The following ZNF839 variants were observed in gnomAD, a reference collection of about 807,000 sequenced individuals.
The protein encoded by ZNF839 is renal carcinoma antigen NY-REN-50.
A neutral mutation model predicts 56.4 loss-of-function variants in ZNF839; 38 were observed. The observed-to-expected ratio is 0.67, with a 90% confidence interval of 0.52 to 0.88. The LOEUF (loss-of-function observed/expected upper bound fraction) is 0.88. Ranked by LOEUF, ZNF839 falls within the 40% of genes least tolerant of loss-of-function variation. ZNF839 has a pLI of 0.00. For synonymous variants in ZNF839, 486 were observed against 493.5 expected (o/e 0.98, Z 0.20); for missense variants, 1,091 against 1,177.6 (o/e 0.93, Z 1.08).
In ZNF839 at chr14:102,341,528, G is replaced by A; in HGVS notation, c.2133G>A (p.Glu711=). ...SGLPVYAQSG[E]PRRLTQAQVA... is the part of the protein sequence containing the mutation. ...TGCCTGTTTATGCTCAGTCAGGAGA[G>A]CCTAGGAGGCTGACCCAGGCACAGG... The change falls in exon 8 of 8, where the codon GAG becomes GAA. Residue 711 remains glutamate (E), a synonymous_variant. Coordinates refer to ENST00000442396, the MANE Select transcript of ZNF839 (RefSeq NM_018335.6). 1 of 1,609,478 alleles carries A rather than the reference G, an allele frequency of 6.2e-7. No individual in the cohort carries two copies.
chr14:102,332,236 C>T lies in ZNF839; in HGVS notation c.1416+390C>T, dbSNP rs530677868. ...TGCTTCTCCACCTCCCAGGTTCAAG[C>T]GATTCTCCTTCCTTAGCCTCCTGGG... On this transcript the variant is annotated intron_variant, in intron 3 of 7. Transcript: ENST00000442396. This position sits in a 1 kb window ranked among gnomAD's most constrained non-coding sequence, Gnocchi z 4.9. Among the ~76,000 whole-genome samples the T allele has an allele frequency of 1.5e-4, 23 of 152,128 alleles. No individual in the cohort carries two copies. The highest frequency in any genetic ancestry group is 5.5e-4 in the African/African-American group (23 of 41,496).
chr14:102,331,980 A>G (rs2073807779), intron 3 of ZNF839, 134 bp downstream of exon 3: 2 of 737,584 alleles, frequency 2.7e-6, no homozygotes, highest in African/African-American at 1.8e-5. Flanking sequence ...TGCCAAGGAC[A>G]GTAATATCTG....
chr14:102,328,176 G>A (rs1201013454), intron 2 of ZNF839, among the ~76,000 whole-genome samples: 1 of 151,098 alleles, frequency 6.6e-6, no homozygotes, highest in Non-Finnish European at 1.5e-5. Context: ...CCAACATGGT[G>A]AAACCCCATC....
intron 5 of ZNF839, among the ~76,000 whole-genome samples, chr14:102,336,199 A>C (rs1408989730): frequency 6.6e-6 from 1 of 152,120 alleles, no homozygotes; most frequent in South Asian, 2.1e-4. Context: ...AACCAAAAAA[A>C]AAAAAAACTC....
In ZNF839 at chr14:102,332,346, G is replaced by A. The variant is rs1330537097; in HGVS notation, c.1416+500G>A. Reference sequence around the variant, plus strand: ...AATAGGGTCTCACCTTGTTGGTCAGGCTGGTCTCAAACTCCCGACCTCGTG... The same window carrying A: ...AATAGGGTCTCACCTTGTTGGTCAGACTGGTCTCAAACTCCCGACCTCGTG... On this transcript the variant is annotated intron_variant, in intron 3 of 7. Transcript: ENST00000442396. This position sits in a 1 kb window ranked among gnomAD's most constrained non-coding sequence, Gnocchi z 4.9. Among the ~76,000 whole-genome samples the A allele has an allele frequency of 6.6e-6, 1 of 151,878 alleles. No individual in the cohort carries two copies.
rs140733581 is a variant in ZNF839 at position 102,338,850 on chromosome 14, G to A, written c.1694G>A (p.Arg565Gln). 594 of 1,613,866 alleles carry A rather than the reference G, an allele frequency of 3.7e-4. 4 individuals are homozygous for A. In the African/African-American group the frequency reaches 4.7e-3, roughly 13 times the overall value. Residue 565 changes from arginine to glutamine, a missense_variant, in exon 6 of 8, where the codon CGG (arginine) becomes CAG (glutamine). Transcript: ENST00000442396. Reference sequence around the variant, plus strand: ...TCATTAGGAATCACAGAATTCCTACGGAAGAAAGAAATACACCCAGACAAC... The same window carrying A: ...TCATTAGGAATCACAGAATTCCTACAGAAGAAAGAAATACACCCAGACAAC... Reference protein sequence around the residue: ...AESLGITEFLRKKEIHPDNLG... With the variant: ...AESLGITEFLQKKEIHPDNLG...
chr14:102,333,859 C>T (rs945370855), intron 3 of ZNF839, among the ~76,000 whole-genome samples: 1 of 152,180 alleles, frequency 6.6e-6, no homozygotes, highest in African/African-American at 2.4e-5. Context: ...GGGGCCGTTT[C>T]GCCTACCCCA....
chr14:102,341,516 T>G lies in ZNF839; in HGVS notation c.2121T>G (p.Ala707=). 1 of 1,604,232 alleles carries G rather than the reference T, an allele frequency of 6.2e-7. No homozygotes were observed. The highest frequency in any genetic ancestry group is 1.1e-5 in the South Asian group (1 of 90,184). ...SRDVSGLPVY[A]QSGEPRRLTQ... ...ATGTCAGTGGGCTGCCTGTTTATGC[T>G]CAGTCAGGAGAGCCTAGGAGGCTGA... Residue 707 remains alanine (A), a synonymous_variant, in exon 8 of 8, where the codon GCT becomes GCG. Transcript: ENST00000442396.
intron 5 of ZNF839, chr14:102,336,695 C>G: frequency 2.4e-6 from 1 of 408,268 alleles, no homozygotes; most frequent in Non-Finnish European, 4.7e-6. Flanking sequence ...TTCCCACTCA[C>G]TGATGATCAG....
Position 102,341,709 on chromosome 14 carries a change from C to T in ZNF839, c.2314C>T (p.Leu772Phe), listed in dbSNP as rs765711097. 20 of 1,613,872 alleles carry T rather than the reference C, an allele frequency of 1.2e-5. No individual in the cohort carries two copies. Among genetic ancestry groups the T allele is most frequent in the Non-Finnish European group, 1.7e-5 (20 of 1,179,896 alleles). Residue 772 changes from leucine to phenylalanine, a missense_variant, in exon 8 of 8, where the codon CTC (leucine) becomes TTC (phenylalanine). Transcript: ENST00000442396. ...GGPGHAEAGH[L>F]GKVCDFHLNH... ...GCCTGGACATGCAGAGGCAGGACAC[C>T]TCGGCAAGGTTTGTGACTTCCACCT...
intron 1 of ZNF839, among the ~76,000 whole-genome samples, chr14:102,323,856 C>G (rs1289040284): frequency 2.6e-5 from 4 of 152,104 alleles, no homozygotes; most frequent in Non-Finnish European, 5.9e-5. Flanking sequence ...CTGGTGTACT[C>G]ATACTGCAGA....
intron 5 of ZNF839, chr14:102,337,711 AG>A (rs1235839943): frequency 2.6e-5 from 4 of 152,068 alleles, no homozygotes; most frequent in Non-Finnish European, 2.9e-5. Flanking sequence ...TCCGTTTGTG[AG>A]GGGACACCAT....
chr14:102,329,868 A>G (rs1597721156), intron 2 of ZNF839, among the ~76,000 whole-genome samples: 1 of 138,914 alleles, frequency 7.2e-6, no homozygotes, highest in Middle Eastern at 4.7e-3. Context: ...ATATCAGCTC[A>G]CTGCAACCTC....
Position 102,335,183 on chromosome 14 carries a change from C to T in ZNF839, c.1510-506C>T, listed in dbSNP as rs572076380. On this transcript the variant is annotated intron_variant, in intron 4 of 7. Transcript: ENST00000442396. Reference sequence around the variant, plus strand: ...CCGCTGCCTGGGTAGCTGGGTGTCTCGGGCAGGTGCCCGTTTACTCCCTTG... The same window carrying T: ...CCGCTGCCTGGGTAGCTGGGTGTCTTGGGCAGGTGCCCGTTTACTCCCTTG... The T allele has an allele frequency of 2.2e-3, 342 of 154,446 alleles. 2 individuals carry two copies. The highest frequency in any genetic ancestry group is 7.6e-3 in the African/African-American group (316 of 41,596). 9.6% of individuals were successfully genotyped at this position (154,446 alleles called of 1,614,324 possible). A position where few individuals can be genotyped will look rare whatever the true frequency, so the allele number is the denominator to read the frequency against.
chr14:102,341,383 C>A lies in ZNF839; in HGVS notation c.1988C>A (p.Thr663Lys). The change falls in exon 8 of 8, where the codon ACG becomes AAG. Residue 663 changes from threonine to lysine, a missense_variant. By Grantham distance (78) the Thr-to-Lys change is moderately conservative. Transcript: ENST00000442396. ...CGTTCTGAAGAAAGCCATACAACGA[C>A]GGTTTCTGGTGGCAATGGGAGCGTG... ...SPRSEESHTTTVSGGNGSVFQ... is the reference protein window; with the variant it reads ...SPRSEESHTTKVSGGNGSVFQ... The A allele has an allele frequency of 6.5e-7, 1 of 1,549,662 alleles. No homozygotes were observed. Among genetic ancestry groups the A allele is most frequent in the Non-Finnish European group, 8.7e-7 (1 of 1,150,696 alleles).
rs1264813305 is a variant in ZNF839 at position 102,334,205 on chromosome 14, C to T, written c.1417-349C>T. The stretch of plus-strand genomic sequence containing the variant: ...TGCCTTTCAGCCCTTCTGGCCTGCC[C>T]GTCTCCAGGCGCCGCCTCCAGCTGT... On this transcript the variant is annotated intron_variant, in intron 3 of 7. Coordinates refer to ENST00000442396, the MANE Select transcript of ZNF839 (RefSeq NM_018335.6). 4.6e-5 allele frequency among the ~76,000 whole-genome samples: 7 copies of T among 152,338 alleles called. No homozygotes were observed. In the East Asian group the frequency reaches 1.2e-3, roughly 25 times the overall value.
intron 5 of ZNF839, among the ~76,000 whole-genome samples, chr14:102,338,072 T>G (rs7156474): frequency 0.077 from 11,694 of 152,196 alleles, 1,331 homozygotes; most frequent in African/African-American, 0.25. Flanking sequence ...AGCCCATGCC[T>G]TTTTACCAGC....
At chr14:102,327,863 A>C (rs2073501238) in intron 2 of ZNF839, among the ~76,000 whole-genome samples, 1 of 151,842 alleles carries the variant, frequency 6.6e-6, no homozygotes, top group Admixed American at 6.6e-5. Context: ...CAGTAAAACC[A>C]ATGGCAGTGC....
chr14:102,327,762 C>T (rs142847539), intron 2 of ZNF839, among the ~76,000 whole-genome samples: 114 of 152,272 alleles, frequency 7.5e-4, no homozygotes, highest in Non-Finnish European at 1.4e-3. Flanking sequence ...GCACTGCTGC[C>T]AAACAGGCCA....
Sources: gnomAD v4.1 joint callset for allele counts (sites outside exome capture counted in the v4.1 genomes callset) on GRCh38, gnomAD v4.1.1 for gene constraint, Gnocchi (gnomAD v3.1) non-coding constraint, MANE v1.5 for transcripts, NCBI Gene and HGNC (gene_info 2026-07-23, HGNC 2026-07-21) for gene names.